EYA4: variants seen among roughly 807,000 people sequenced by gnomAD.
The protein encoded by EYA4 is protein phosphatase EYA4.
In EYA4, 31 loss-of-function variants were observed where a neutral mutation model predicts 87.9. The observed-to-expected ratio is 0.35, with a 90% CI of 0.27 to 0.48. The LOEUF is 0.48. Among genes scored for constraint, EYA4 ranks in the 20% least tolerant of loss-of-function variants. The pLI is 0.99. For missense variants in EYA4, 678 were observed against 761.4 expected (o/e 0.89, Z 1.29); for synonymous variants, 263 against 270.6 (o/e 0.97, Z 0.28).
chr6:133,347,078 TG>T (rs955101907), intron 2 of EYA4, among the ~76,000 whole-genome samples: 1 of 152,152 alleles, frequency 6.6e-6, no homozygotes, highest in Non-Finnish European at 1.5e-5. Context: ...AATTCTGTCA[TG>T]GGGAGGGCTT....
At position 133,317,603 on chromosome 6, in the gene EYA4, A is replaced by ATC. The variant is rs530577876; in HGVS notation, c.33+42791_33+42792dup. On this transcript the variant is annotated intron_variant, in intron 2 of 19. Coordinates refer to ENST00000355286, the MANE Select transcript of EYA4 (RefSeq NM_004100.5). Reference sequence around the variant, plus strand: ...GCTTAGATTAATAAGTGTAAAAATAATCATAAAATAATACATCTCAATGTT... The same window carrying ATC: ...GCTTAGATTAATAAGTGTAAAAATAATCTCATAAAATAATACATCTCAATGTT... 2.8e-3 allele frequency among the ~76,000 whole-genome samples: 419 copies of ATC among 152,348 alleles called. 5 individuals carry two copies. The highest frequency in any genetic ancestry group is 4.4e-3 in the Non-Finnish European group (300 of 68,030).
At chr6:133,467,789 A>G (rs1053044690) in intron 10 of EYA4, among the ~76,000 whole-genome samples, 1 of 151,954 alleles carries the variant, frequency 6.6e-6, no homozygotes, top group Non-Finnish European at 1.5e-5. Flanking sequence ...CACATGCTAG[A>G]TATCTTAAAC....
chr6:133,294,380 T>G (rs1231230770), intron 2 of EYA4, among the ~76,000 whole-genome samples: 1 of 151,068 alleles, frequency 6.6e-6, no homozygotes, highest in Non-Finnish European at 1.5e-5. Flanking sequence ...TTTTGTTTTT[T>G]TTTTTAAGAG....
chr6:133,372,016 C>T (rs542876166), intron 2 of EYA4, among the ~76,000 whole-genome samples: 1 of 152,196 alleles, frequency 6.6e-6, no homozygotes, highest in South Asian at 2.1e-4. Flanking sequence ...CTGTATGAAT[C>T]CCTTTAACAT....
chr6:133,304,077 G>A (rs1171773229), intron 2 of EYA4, among the ~76,000 whole-genome samples: 1 of 152,116 alleles, frequency 6.6e-6, no homozygotes, highest in Non-Finnish European at 1.5e-5. Flanking sequence ...CCACTTGAAG[G>A]AACAAGGGTG....
chr6:133,274,619 T>G, intron 1 of EYA4, 97 bp from the exon 2 acceptor site: 1 of 651,430 alleles, frequency 1.5e-6, no homozygotes, highest in East Asian at 2.7e-5. Context: ...TCCTACAAGT[T>G]ACTAATTACC....
At chr6:133,276,525 T>C (rs567972275) in intron 2 of EYA4, among the ~76,000 whole-genome samples, 1 of 152,306 alleles carries the variant, frequency 6.6e-6, no homozygotes, top group South Asian at 2.1e-4. Context: ...GTAAATCAGA[T>C]ATGGTGTCCT....
At chr6:133,384,527 C>CAAATACAAT (rs958733369) in intron 3 of EYA4, among the ~76,000 whole-genome samples, 2 of 152,098 alleles carry the variant, frequency 1.3e-5, no homozygotes, top group African/African-American at 2.4e-5. Context: ...AACAAGCAAA[C>CAAATACAAT]AAATACAATA....
intron 6 of EYA4, 63 bp from the exon 7 acceptor site, chr6:133,461,051 A>G: frequency 9.5e-7 from 1 of 1,054,854 alleles, no homozygotes; most frequent in Non-Finnish European, 1.5e-6. Flanking sequence ...TTGGTTATGT[A>G]CACTCTAGTG....
At chr6:133,285,097 C>T (rs944931313) in intron 2 of EYA4, among the ~76,000 whole-genome samples, 1 of 150,228 alleles carries the variant, frequency 6.7e-6, no homozygotes, top group African/African-American at 2.4e-5. Flanking sequence ...CCCGGGTTCA[C>T]GCCATTCTCC....
rs75014150 is a variant in EYA4 at position 133,494,311 on chromosome 6, G to A, written c.1191+11196G>A. ...GAGCTCTTTTAGTGAAATAAGCCAG[G>A]CACAAGGTGACAAACTTTACATATT... On this transcript the variant is annotated intron_variant, in intron 13 of 19. Transcript: ENST00000355286. Among the ~76,000 whole-genome samples the A allele has an allele frequency of 5.0e-3, 765 of 152,216 alleles. 5 individuals are homozygous for A. The highest frequency in any genetic ancestry group is 0.017 in the African/African-American group (707 of 41,544).
At chr6:133,343,568 C>A (rs1782967992) in intron 2 of EYA4, among the ~76,000 whole-genome samples, 1 of 136,776 alleles carries the variant, frequency 7.3e-6, no homozygotes, top group African/African-American at 2.8e-5. Flanking sequence ...CCCGCCACCA[C>A]CCCCCCCACC....
Position 133,530,254 on chromosome 6 carries a change from GT to G in EYA4, c.*1452del. 1 of 985,352 alleles carries G rather than the reference GT, an allele frequency of 1.0e-6. No individual in the cohort carries two copies. The highest frequency in any genetic ancestry group is 1.2e-6 in the Non-Finnish European group (1 of 829,852). 61.0% of individuals were successfully genotyped at this position (985,352 alleles called of 1,614,324 possible). On this transcript the variant is annotated 3_prime_UTR_variant, in exon 20 of 20. Coordinates refer to ENST00000355286, the MANE Select transcript of EYA4 (RefSeq NM_004100.5). ...TTCTCCTCGTAACAGACTTGCATAT[GT>G]TTGTTAGTTTCTGCCTGTATTGTCA...
In EYA4 at chr6:133,438,898, C is replaced by T. The variant is rs139393079; in HGVS notation, c.84-7732C>T. Among the ~76,000 whole-genome samples the T allele has an allele frequency of 7.4e-3, 1,120 of 151,584 alleles. 18 individuals carry two copies. Among genetic ancestry groups the T allele is most frequent in the African/African-American group, 0.026 (1,063 of 41,328 alleles). On this transcript the variant is annotated intron_variant, in intron 3 of 19. Transcript: ENST00000355286. ...TCTACTAAAAATACAAAAAATTAGC[C>T]GGGCGTGGTGGCAGCCACCTGTAGT...
chr6:133,279,049 T>G (rs1777412486), intron 2 of EYA4, among the ~76,000 whole-genome samples: 5 of 152,160 alleles, frequency 3.3e-5, no homozygotes, highest in Admixed American at 2.6e-4. Flanking sequence ...TAGATTGAGG[T>G]GTTTTATAAT....
intron 2 of EYA4, among the ~76,000 whole-genome samples, chr6:133,309,037 G>A (rs1013042887): frequency 6.6e-6 from 1 of 151,906 alleles, no homozygotes; most frequent in Non-Finnish European, 1.5e-5. Flanking sequence ...CTTTCTGTAG[G>A]TGGACTAGAA....
chr6:133,243,654 CTTT>C (rs200732942), intron 1 of EYA4, among the ~76,000 whole-genome samples: 2 of 134,346 alleles, frequency 1.5e-5, no homozygotes. Flanking sequence ...GAATCAGTGC[CTTT>C]TTTTTTTTTT....
At chr6:133,255,964 A>G (rs1311443374) in intron 1 of EYA4, among the ~76,000 whole-genome samples, 1 of 152,042 alleles carries the variant, frequency 6.6e-6, no homozygotes, top group East Asian at 1.9e-4. Flanking sequence ...TGCATTTTCC[A>G]TAGAAAATAC....
chr6:133,513,733 A>G (rs1285249221), intron 16 of EYA4, among the ~76,000 whole-genome samples: 2 of 152,168 alleles, frequency 1.3e-5, no homozygotes, highest in African/African-American at 2.4e-5. Flanking sequence ...TCTTATTAGA[A>G]TCAATTTTAG....
Sources: gnomAD v4.1 joint callset for allele counts (sites outside exome capture counted in the v4.1 genomes callset) on GRCh38, gnomAD v4.1.1 for gene constraint, MANE v1.5 for transcripts, NCBI Gene and HGNC (gene_info 2026-07-23, HGNC 2026-07-21) for gene names.